MOCOS: variants seen among roughly 807,000 people sequenced by gnomAD.
The protein encoded by MOCOS is human molybdenum cofactor sulfurase.
MOCOS carries 86 observed loss-of-function variants against 83.6 expected under a neutral mutation model. The ratio of observed to expected loss-of-function variants is 1.03; its 90% CI spans 0.86 to 1.23. MOCOS has a LOEUF of 1.23. Ranked by LOEUF, MOCOS falls within the 50% of genes most tolerant of loss-of-function variation. The pLI is 0.00. For missense variants in MOCOS, 1,120 were observed against 1,126.9 expected, an observed-to-expected ratio of 0.99 and a Z score of 0.09; for synonymous variants, 445 against 434.7, an observed-to-expected ratio of 1.02 and a Z score of -0.29.
intron 9 of MOCOS, among the ~76,000 whole-genome samples, chr18:36,242,092 T>C (rs1427320447): frequency 6.6e-6 from 1 of 152,266 alleles, no homozygotes; most frequent in African/African-American, 2.4e-5. Flanking sequence ...ATTTGGCTCC[T>C]GGTTACTTAT....
chr18:36,245,675 A>G (rs1035947136), intron 9 of MOCOS, among the ~76,000 whole-genome samples: 3 of 152,180 alleles, frequency 2.0e-5, no homozygotes, highest in Admixed American at 6.5e-5. Context: ...CTAGATCTCT[A>G]GTGAGATCAG....
At chr18:36,219,486 C>A (rs1312001845) in intron 8 of MOCOS, among the ~76,000 whole-genome samples, 1 of 152,002 alleles carries the variant, frequency 6.6e-6, no homozygotes, top group Non-Finnish European at 1.5e-5. Flanking sequence ...TGAGACCAGC[C>A]TGGCTAACAT....
At chr18:36,223,680 G>T (rs1177370573) in intron 9 of MOCOS, among the ~76,000 whole-genome samples, 1 of 152,086 alleles carries the variant, frequency 6.6e-6, no homozygotes, top group African/African-American at 2.4e-5. Flanking sequence ...GATTGCTTTG[G>T]GCTCTATAGA....
At chr18:36,201,383 G>A (rs1249130365) in intron 4 of MOCOS, among the ~76,000 whole-genome samples, 1 of 152,094 alleles carries the variant, frequency 6.6e-6, no homozygotes, top group African/African-American at 2.4e-5. Context: ...ATAATATTGG[G>A]TCGGGTGTGG....
intron 7 of MOCOS, among the ~76,000 whole-genome samples, chr18:36,214,268 G>GA (rs58435154): frequency 3.7e-5 from 5 of 134,904 alleles, no homozygotes; most frequent in African/African-American, 8.3e-5. Context: ...AAAAAGAAAA[G>GA]AAAAAAAAGA....
At chr18:36,202,472 GC>G (rs1397682551) in intron 4 of MOCOS, among the ~76,000 whole-genome samples, 2 of 152,230 alleles carry the variant, frequency 1.3e-5, no homozygotes, top group Admixed American at 1.3e-4. Flanking sequence ...GAGATAACAG[GC>G]ATGAGCCACT....
intron 5 of MOCOS, 57 bp downstream of exon 5, chr18:36,203,246 T>C: frequency 6.7e-7 from 1 of 1,485,424 alleles, no homozygotes; most frequent in Non-Finnish European, 9.4e-7. Context: ...TTGAGGGAGC[T>C]CTGGCACAGG....
At chr18:36,202,279 G>GTATTTGATC (rs1484137169) in intron 4 of MOCOS, among the ~76,000 whole-genome samples, 1 of 128,778 alleles carries the variant, frequency 7.8e-6, no homozygotes, top group African/African-American at 3.0e-5. Flanking sequence ...AATCTATTAA[G>GTATTTGATC]TATTTGATCA....
At chr18:36,235,891 G>A (rs1255444991) in intron 9 of MOCOS, among the ~76,000 whole-genome samples, 1 of 151,774 alleles carries the variant, frequency 6.6e-6, no homozygotes, top group Non-Finnish European at 1.5e-5. Flanking sequence ...GTGATGGTGA[G>A]CATTTTTTCA....
chr18:36,214,673 TCAACTAAC>T (rs1409908763), intron 7 of MOCOS, among the ~76,000 whole-genome samples: 2 of 152,002 alleles, frequency 1.3e-5, no homozygotes, highest in African/African-American at 4.8e-5. Context: ...ATACTAGATC[TCAACTAAC>T]CATGAACTGA....
chr18:36,228,152 T>C (rs1187005993), intron 9 of MOCOS, among the ~76,000 whole-genome samples: 2 of 152,170 alleles, frequency 1.3e-5, no homozygotes, highest in Non-Finnish European at 2.9e-5. Flanking sequence ...CCAGTCAGAA[T>C]GAGTATTATT....
intron 5 of MOCOS, 126 bp from the exon 6 acceptor site, chr18:36,204,951 C>A: frequency 1.2e-6 from 1 of 820,398 alleles, no homozygotes; most frequent in Non-Finnish European, 1.9e-6. Context: ...TGTGATCATA[C>A]CACTGCACTC....
intron 1 of MOCOS, among the ~76,000 whole-genome samples, chr18:36,191,988 A>AC (rs1188425099): frequency 1.3e-5 from 2 of 152,068 alleles, no homozygotes; most frequent in Non-Finnish European, 2.9e-5. Context: ...CATCTGCAAA[A>AC]CCCCCCACAG....
intron 5 of MOCOS, among the ~76,000 whole-genome samples, chr18:36,203,564 A>T (rs1384941975): frequency 6.6e-6 from 1 of 152,180 alleles, no homozygotes; most frequent in African/African-American, 2.4e-5. Flanking sequence ...AGCTCTGCCT[A>T]TGAATGAGCT....
intron 9 of MOCOS, among the ~76,000 whole-genome samples, chr18:36,233,721 T>C (rs1325948560): frequency 6.6e-6 from 1 of 152,214 alleles, no homozygotes; most frequent in African/African-American, 2.4e-5. Context: ...TTTTAAATTA[T>C]GGTCATTCTT....
chr18:36,220,323 C>G (rs2091491521), intron 9 of MOCOS, 106 bp downstream of exon 9: 21 of 1,370,152 alleles, frequency 1.5e-5, no homozygotes, highest in Non-Finnish European at 2.1e-5. Flanking sequence ...CTGGGCAATA[C>G]AGTGAGACCT....
intron 1 of MOCOS, among the ~76,000 whole-genome samples, chr18:36,191,600 T>C (rs575908270): frequency 3.3e-5 from 5 of 152,340 alleles, no homozygotes; most frequent in Admixed American, 3.3e-4. Context: ...TGCACCACCA[T>C]GCCTGGCTAT....
chr18:36,254,956 G>A (rs1232085913), intron 11 of MOCOS, among the ~76,000 whole-genome samples: 1 of 152,046 alleles, frequency 6.6e-6, no homozygotes, highest in Non-Finnish European at 1.5e-5. Context: ...CAACTTTTGA[G>A]TTCAAGCAGT....
rs186478409 is a variant in MOCOS, at chr18:36,206,163, G to T, written c.1218+887G>T. ...TGTGGAGGAAGGCAAATGTGAACTG[G>T]TATGTGCAGCCAGAGAGGAAGCAAG... On this transcript the variant is annotated intron_variant, in intron 6 of 14. Transcript: ENST00000261326. Among the ~76,000 whole-genome samples, 13 of 152,132 alleles carry T rather than the reference G, an allele frequency of 8.5e-5. No homozygotes were observed. The East Asian group carries it at 2.5e-3, about 29-fold the overall frequency.
Sources: allele counts gnomAD v4.1 joint callset (sites outside exome capture counted in the v4.1 genomes callset), GRCh38; gene constraint gnomAD v4.1.1; transcripts MANE v1.5; gene names NCBI Gene and HGNC (gene_info 2026-07-23, HGNC 2026-07-21).